Variants in PCDH9 observed in about 807,000 individuals in gnomAD.
PCDH9 encodes protocadherin-9.
PCDH9 carries 24 observed loss-of-function variants against 70.6 expected under a neutral mutation model. That is an observed-to-expected ratio of 0.34 (90% CI 0.25 to 0.48). PCDH9 has a LOEUF of 0.48. Among genes scored for constraint, PCDH9 ranks in the 20% least tolerant of loss-of-function variants. The pLI is 0.99. For synonymous variants in PCDH9, 562 were observed against 558.5 expected (o/e 1.01, Z -0.09); for missense variants, 1,281 against 1,503.6 (o/e 0.85, Z 2.45).
intron 4 of PCDH9, among the ~76,000 whole-genome samples, chr13:66,592,023 A>G (rs894411422): frequency 2.0e-5 from 3 of 151,716 alleles, no homozygotes; most frequent in Non-Finnish European, 4.4e-5. Context: ...AATGAATTCT[A>G]CATCACCCAG....
chr13:66,513,298 C>A (rs536340078), intron 4 of PCDH9, among the ~76,000 whole-genome samples: 1 of 147,370 alleles, frequency 6.8e-6, no homozygotes, highest in Non-Finnish European at 1.5e-5. Context: ...CAAATGAAAA[C>A]TTTTACAAAA....
At chr13:66,566,846 T>C (rs2076659665) in intron 4 of PCDH9, among the ~76,000 whole-genome samples, 1 of 152,052 alleles carries the variant, frequency 6.6e-6, no homozygotes, top group South Asian at 2.1e-4. Context: ...TTCATTTAAT[T>C]ATATACCAAG....
chr13:67,004,242 C>T (rs888435902), intron 2 of PCDH9, among the ~76,000 whole-genome samples: 2 of 151,756 alleles, frequency 1.3e-5, no homozygotes, highest in Non-Finnish European at 2.9e-5. Flanking sequence ...TTAAAATATT[C>T]CCACAAAATA....
chr13:66,761,022 T>C lies in PCDH9; in HGVS notation c.3139-129611A>G, dbSNP rs1448671066. Among the ~76,000 whole-genome samples the C allele has an allele frequency of 3.3e-5, 5 of 152,278 alleles. No homozygotes were observed. The South Asian group carries it at 8.3e-4, about 25-fold the overall frequency. Reference sequence around the variant, plus strand: ...ATGACAACGTGTGCCCAGCAGGACATGGACCTTCATCAGTAATTCCAGTTT... The same window carrying C: ...ATGACAACGTGTGCCCAGCAGGACACGGACCTTCATCAGTAATTCCAGTTT... On this transcript the variant is annotated intron_variant, in intron 3 of 4. Coordinates refer to ENST00000377865, the MANE Select transcript of PCDH9 (RefSeq NM_203487.3).
chr13:66,818,860 G>A (rs1388501564), intron 3 of PCDH9, among the ~76,000 whole-genome samples: 18 of 152,178 alleles, frequency 1.2e-4, no homozygotes, highest in African/African-American at 4.1e-4. Flanking sequence ...CGTGAACCCA[G>A]GAGGCGGAGC....
In PCDH9 at chr13:66,876,396, TAA is replaced by T. The variant is rs143496962; in HGVS notation, c.3138+27106_3138+27107del. Among the ~76,000 whole-genome samples the T allele has an allele frequency of 2.5e-3, 379 of 151,204 alleles. 1 individual carries two copies. Among genetic ancestry groups the T allele is most frequent in the African/African-American group, 8.4e-3 (347 of 41,340 alleles). On this transcript the variant is annotated intron_variant, in intron 3 of 4. Coordinates refer to ENST00000377865, the MANE Select transcript of PCDH9 (RefSeq NM_203487.3). ...TAATCTTGAATTAGAAGGAGTAAGG[TAA>T]AAAAAAATACAAAACATCATGTTTC...
At chr13:66,575,589 T>C (rs1237328437) in intron 4 of PCDH9, among the ~76,000 whole-genome samples, 4 of 152,144 alleles carry the variant, frequency 2.6e-5, no homozygotes, top group Admixed American at 2.6e-4. Flanking sequence ...TTTTAAAATA[T>C]GCCTTGCTTT....
At chr13:66,353,694 TAC>T in intron 4 of PCDH9, among the ~76,000 whole-genome samples, 1 of 152,184 alleles carries the variant, frequency 6.6e-6, no homozygotes, top group East Asian at 1.9e-4. Context: ...GCTTATTTTA[TAC>T]AATTTTTTTT....
chr13:67,166,781 G>A (rs186174425), intron 2 of PCDH9, among the ~76,000 whole-genome samples: 2 of 152,246 alleles, frequency 1.3e-5, no homozygotes, highest in Admixed American at 6.5e-5. Context: ...ATGAGTGTGT[G>A]GCTACCGTGG....
intron 3 of PCDH9, among the ~76,000 whole-genome samples, chr13:66,893,871 A>C (rs996505546): frequency 6.6e-6 from 1 of 152,042 alleles, no homozygotes; most frequent in African/African-American, 2.4e-5. Flanking sequence ...CTACTCTCTT[A>C]CATTCCATTA....
chr13:67,163,073 A>G (rs1484633810), intron 2 of PCDH9, among the ~76,000 whole-genome samples: 1 of 152,208 alleles, frequency 6.6e-6, no homozygotes, highest in Non-Finnish European at 1.5e-5. Context: ...TGGCTTATAA[A>G]ATCAGAGAAG....
intron 2 of PCDH9, among the ~76,000 whole-genome samples, chr13:66,989,495 C>A (rs955872982): frequency 1.3e-5 from 2 of 151,890 alleles, no homozygotes; most frequent in Admixed American, 6.6e-5. Flanking sequence ...TATTCCTCAA[C>A]TAATTTTATC....
chr13:66,658,887 T>C (rs931027015), intron 3 of PCDH9, among the ~76,000 whole-genome samples: 6 of 152,192 alleles, frequency 3.9e-5, no homozygotes, highest in Admixed American at 2.0e-4. Flanking sequence ...TTATGTTTTA[T>C]ATCATATTCA....
chr13:66,571,283 T>G (rs1593700949), intron 4 of PCDH9, among the ~76,000 whole-genome samples: 1 of 152,174 alleles, frequency 6.6e-6, no homozygotes, highest in South Asian at 2.1e-4. Context: ...TTTTATGTCT[T>G]TATATCAAAC....
chr13:66,746,578 A>C (rs9571643), intron 3 of PCDH9, among the ~76,000 whole-genome samples: 1 of 152,008 alleles, frequency 6.6e-6, no homozygotes, highest in Admixed American at 6.6e-5. Context: ...TAAGTAAAAA[A>C]ATCAGTTGAC....
chr13:66,538,624 A>G (rs1054815661), intron 4 of PCDH9, among the ~76,000 whole-genome samples: 47 of 142,110 alleles, frequency 3.3e-4, no homozygotes, highest in African/African-American at 1.1e-3. Flanking sequence ...TTGGGGGTCA[A>G]TCTTTTTTTT....
intron 2 of PCDH9, among the ~76,000 whole-genome samples, chr13:67,184,615 C>T (rs146302325): frequency 3.2e-4 from 49 of 152,206 alleles, no homozygotes; most frequent in African/African-American, 1.1e-3. Context: ...ACTGTTGTCC[C>T]GGCTACTTGG....
intron 4 of PCDH9, among the ~76,000 whole-genome samples, chr13:66,409,742 T>C (rs1438567798): frequency 1.3e-5 from 2 of 152,178 alleles, no homozygotes; most frequent in Non-Finnish European, 2.9e-5. Flanking sequence ...TATTGCTGAA[T>C]CATGAATTTG....
intron 4 of PCDH9, among the ~76,000 whole-genome samples, chr13:66,379,060 A>G (rs1956796263): frequency 6.6e-6 from 1 of 152,244 alleles, no homozygotes; most frequent in African/African-American, 2.4e-5. Flanking sequence ...GAAGTATCCC[A>G]ACAATCTGTA....
Sources: gnomAD v4.1 joint callset for allele counts (sites outside exome capture counted in the v4.1 genomes callset) on GRCh38, gnomAD v4.1.1 for gene constraint, MANE v1.5 for transcripts, NCBI Gene and HGNC (gene_info 2026-07-23, HGNC 2026-07-21) for gene names.